Variants in SCG5 observed in about 807,000 individuals in gnomAD.
SCG5 encodes the protein secretogranin V, also known as neuroendocrine protein 7B2.
In SCG5, 18 loss-of-function variants were observed where a neutral mutation model predicts 25.7. That is an observed-to-expected ratio of 0.70 (90% CI 0.48 to 1.04). The LOEUF is 1.04. SCG5 is among the 50% of genes least tolerant of loss of function. SCG5 has a pLI of 0.00. For synonymous variants in SCG5, 101 were observed against 91.7 expected (o/e 1.10, Z -0.58); for missense variants, 206 against 259.8 (o/e 0.79, Z 1.42).
At chr15:32,659,992 G>T (rs8023613) in intron 2 of SCG5, among the ~76,000 whole-genome samples, 31,474 of 152,160 alleles carry the variant, frequency 0.21, 3,412 homozygotes, top group Middle Eastern at 0.25. Context: ...CAATGCAGGT[G>T]CTATGGTCTG....
At chr15:32,662,877 A>G (rs2054244271) in intron 2 of SCG5, among the ~76,000 whole-genome samples, 2 of 151,552 alleles carry the variant, frequency 1.3e-5, no homozygotes, top group African/African-American at 4.8e-5. Flanking sequence ...GGAGAGTATT[A>G]ATAAGGTGGT....
chr15:32,695,127 T>C (rs1409063496), intron 5 of SCG5, among the ~76,000 whole-genome samples: 1 of 152,032 alleles, frequency 6.6e-6, no homozygotes, highest in East Asian at 1.9e-4. Flanking sequence ...GCCATTCTCC[T>C]GCCTCAACCT....
chr15:32,659,701 G>A (rs1190124717), intron 2 of SCG5, among the ~76,000 whole-genome samples: 1 of 152,162 alleles, frequency 6.6e-6, no homozygotes, highest in Admixed American at 6.5e-5. Flanking sequence ...AGCTCAGCAG[G>A]CCTGTGTCAA....
intron 4 of SCG5, among the ~76,000 whole-genome samples, chr15:32,689,066 T>TTGATGATGCTTACCAGATTCAATAA (rs2054791857): frequency 1.3e-5 from 2 of 152,112 alleles, no homozygotes; most frequent in African/African-American, 4.8e-5. Context: ...ATAACATCCA[T>TTGATGATGCTTACCAGATTCAATAA]TGATGATGCT....
rs148843469 is a variant in SCG5 at position 32,649,823 on chromosome 15, C to T, written c.226+6005C>T. Among the ~76,000 whole-genome samples, 1,150 of 152,302 alleles carry T rather than the reference C, an allele frequency of 7.6e-3. 16 individuals are homozygous for T. Among genetic ancestry groups the T allele is most frequent in the Middle Eastern group, 0.034 (10 of 294 alleles). ...GTGTGTATGTTTATGGCAGAGAACT[C>T]GGGTTAACCCGTAGCCGTACTATTT... is the stretch of plus-strand genomic sequence containing the variant. On this transcript the variant is annotated intron_variant, in intron 2 of 5. Coordinates refer to ENST00000300175, the MANE Select transcript of SCG5 (RefSeq NM_001144757.3).
Position 32,684,577 on chromosome 15 carries a change from A to G in SCG5, c.397A>G (p.Asn133Asp), listed in dbSNP as rs770614980. Residue 133 changes from asparagine to aspartate, a missense_variant, in exon 4 of 6, where the codon AAC becomes GAC. Coordinates refer to ENST00000300175, the MANE Select transcript of SCG5 (RefSeq NM_001144757.3). ...GKTADDGCLE[N>D]TPDTAEFSRE... ...TGCAGCAGATGATGGATGTCTAGAA[A>G]ACACCCCTGACACTGCAGAGTTCAG... The G allele has an allele frequency of 2.5e-6, 4 of 1,613,104 alleles. No individual in the cohort carries two copies. The East Asian group carries it at 8.9e-5, about 36-fold the overall frequency.
intron 4 of SCG5, among the ~76,000 whole-genome samples, chr15:32,685,466 G>A (rs559363751): frequency 3.7e-4 from 56 of 152,312 alleles, no homozygotes; most frequent in African/African-American, 1.3e-3. Context: ...CCAAAATGGG[G>A]CTTGTTAAAG....
chr15:32,674,648 C>CT (rs1385122140), intron 2 of SCG5, among the ~76,000 whole-genome samples: 2 of 152,124 alleles, frequency 1.3e-5, no homozygotes, highest in Non-Finnish European at 2.9e-5. Flanking sequence ...CTTGGGAGTG[C>CT]TGTTGGGGGC....
At chr15:32,688,816 G>A (rs1347388486) in intron 4 of SCG5, among the ~76,000 whole-genome samples, 8 of 152,034 alleles carry the variant, frequency 5.3e-5, no homozygotes, top group African/African-American at 1.5e-4. Context: ...AAAATTAGCC[G>A]GGCGCGGTGG....
At chr15:32,648,065 T>C (rs1279178419) in intron 2 of SCG5, among the ~76,000 whole-genome samples, 1 of 152,184 alleles carries the variant, frequency 6.6e-6, no homozygotes, top group African/African-American at 2.4e-5. Context: ...AATTGCCAGG[T>C]TTCGATCCTG....
chr15:32,643,626 G>T lies in SCG5; in HGVS notation c.34G>T (p.Gly12Cys). The change falls in exon 2 of 6, where the codon GGC becomes TGC. Residue 12 changes from glycine to cysteine, a missense_variant. Gly to Cys is a radical substitution (Grantham distance 159). Coordinates refer to ENST00000300175, the MANE Select transcript of SCG5 (RefSeq NM_001144757.3). ...VSRMVSTMLS[G>C]LLFWLASGWT... Reference sequence around the variant, plus strand: ...CAGGATGGTCTCTACCATGCTATCTGGCCTACTGTTTTGGCTGGCATCTGG... The same window carrying T: ...CAGGATGGTCTCTACCATGCTATCTTGCCTACTGTTTTGGCTGGCATCTGG... 1 of 1,613,932 alleles carries T rather than the reference G, an allele frequency of 6.2e-7. No individual in the cohort carries two copies. The highest frequency in any genetic ancestry group is 8.5e-7 in the Non-Finnish European group (1 of 1,179,874).
intron 2 of SCG5, chr15:32,669,266 G>C (rs537912297): frequency 1.3e-5 from 2 of 152,244 alleles, no homozygotes; most frequent in Non-Finnish European, 2.9e-5. Context: ...TCATAAGTAA[G>C]TGTAGTTTCA....
At chr15:32,649,042 C>T (rs1442239856) in intron 2 of SCG5, among the ~76,000 whole-genome samples, 2 of 152,176 alleles carry the variant, frequency 1.3e-5, no homozygotes, top group African/African-American at 2.4e-5. Flanking sequence ...AGGCGTGAGC[C>T]GCCATGTCCA....
intron 1 of SCG5, among the ~76,000 whole-genome samples, chr15:32,642,192 T>G (rs905081941): frequency 2.6e-5 from 4 of 151,948 alleles, no homozygotes; most frequent in African/African-American, 9.7e-5. Context: ...TATAAAAATT[T>G]TTGTTTCAGT....
intron 2 of SCG5, among the ~76,000 whole-genome samples, chr15:32,653,407 T>C (rs2054064621): frequency 6.6e-6 from 1 of 152,258 alleles, no homozygotes; most frequent in South Asian, 2.1e-4. Context: ...GAATAATCCT[T>C]GTGAAATATT....
At chr15:32,682,365 T>C in intron 3 of SCG5, among the ~76,000 whole-genome samples, 1 of 152,196 alleles carries the variant, frequency 6.6e-6, no homozygotes, top group East Asian at 1.9e-4. Context: ...GTGTTGACTG[T>C]AGTATGCCAC....
chr15:32,695,258 G>T (rs898035159), intron 5 of SCG5, among the ~76,000 whole-genome samples: 1 of 151,862 alleles, frequency 6.6e-6, no homozygotes, highest in Non-Finnish European at 1.5e-5. Flanking sequence ...CTTGTGATCC[G>T]CCCACCTAGG....
intron 3 of SCG5, among the ~76,000 whole-genome samples, chr15:32,683,574 T>C (rs1269281733): frequency 6.6e-6 from 1 of 152,206 alleles, no homozygotes; most frequent in Non-Finnish European, 1.5e-5. Context: ...TAAAACATAT[T>C]GCAAACCTAT....
In SCG5 at chr15:32,679,743, AACTACTTCTG is replaced by A. The variant is rs1170341164; in HGVS notation, c.227-21_227-12del. On this transcript the variant is annotated splice_polypyrimidine_tract_variant and intron_variant, in intron 2 of 5. Transcript: ENST00000300175. ...AAATTAATTGAATTGCACTGCAATG[AACTACTTCTG>A]ATTCCCTCGCAGGTGGAGCTCATGA... is the stretch of plus-strand genomic sequence containing the variant. The A allele has an allele frequency of 6.2e-7, 1 of 1,613,456 alleles. No homozygotes were observed.
Sources: allele counts gnomAD v4.1 joint callset (sites outside exome capture counted in the v4.1 genomes callset), GRCh38; gene constraint gnomAD v4.1.1; transcripts MANE v1.5; gene names NCBI Gene and HGNC (gene_info 2026-07-23, HGNC 2026-07-21).